SLC22A14: variants seen among roughly 807,000 people sequenced by gnomAD.
SLC22A14 encodes organic cation transporter-like 4.
A neutral mutation model predicts 53.9 loss-of-function variants in SLC22A14; 50 were observed. The observed-to-expected ratio is 0.93, with a 90% CI of 0.74 to 1.17. The LOEUF (loss-of-function observed/expected upper bound fraction) is 1.17. SLC22A14 is among the 50% of genes most tolerant of loss of function. The pLI is 0.00. For synonymous variants in SLC22A14, 312 were observed against 303.0 expected (o/e 1.03, Z -0.31); for missense variants, 671 against 734.7 (o/e 0.91, Z 1.00).
At chr3:38,290,262 C>T (rs1185954146) in intron 1 of SLC22A14, among the ~76,000 whole-genome samples, 2 of 152,054 alleles carry the variant, frequency 1.3e-5, no homozygotes, top group South Asian at 2.1e-4. Flanking sequence ...GGAATTGGGG[C>T]GTAGTAGGGG....
chr3:38,294,100 G>A (rs1227232215), intron 1 of SLC22A14, among the ~76,000 whole-genome samples: 1 of 151,962 alleles, frequency 6.6e-6, no homozygotes, highest in African/African-American at 2.4e-5. Flanking sequence ...ACTGCTTGGA[G>A]GGGGCATAAT....
intron 1 of SLC22A14, among the ~76,000 whole-genome samples, chr3:38,297,484 G>C (rs1704066831): frequency 6.6e-6 from 1 of 151,916 alleles, no homozygotes. Context: ...TTAAGTTCAG[G>C]GGTACATGTG....
chr3:38,315,450 T>A, intron 8 of SLC22A14, 108 bp from the exon 9 acceptor site: 1 of 1,167,104 alleles, frequency 8.6e-7, no homozygotes, highest in Non-Finnish European at 1.2e-6. Context: ...TCTGACAGAA[T>A]GCCTGAGCCT....
At chr3:38,293,357 G>T (rs867693030) in intron 1 of SLC22A14, among the ~76,000 whole-genome samples, 1 of 152,188 alleles carries the variant, frequency 6.6e-6, no homozygotes, top group Non-Finnish European at 1.5e-5. Flanking sequence ...CATGACTAAA[G>T]TGGTGGCCTT....
chr3:38,288,737 A>T (rs530672431), intron 1 of SLC22A14, among the ~76,000 whole-genome samples: 3 of 152,246 alleles, frequency 2.0e-5, no homozygotes, highest in Non-Finnish European at 4.4e-5. Flanking sequence ...TGAAATGATT[A>T]AAAAAATTAA....
intron 7 of SLC22A14, 42 bp from the exon 8 acceptor site, chr3:38,313,685 T>TGCGCGCGCGCGCGCGCGCGCGC (rs1553644857): frequency 2.5e-6 from 2 of 801,974 alleles, no homozygotes; most frequent in African/African-American, 3.3e-5. Flanking sequence ...TCCGTGTGTG[T>TGCGCGCGCGCGCGCGCGCGCGC]GCGCGCGTGT....
upstream of SLC22A14, among the ~76,000 whole-genome samples, chr3:38,279,827 G>A (rs1303699557): frequency 6.6e-6 from 1 of 152,092 alleles, no homozygotes; most frequent in African/African-American, 2.4e-5. Flanking sequence ...TTACGGCAAT[G>A]GTGACTATCA....
rs915649 is a variant in SLC22A14 at position 38,307,403 on chromosome 3, C to T, written c.620+46C>T. ...GCTGGTCCCCGAGCCATCCCAACTC[C>T]TCCTCATGGGCATTCAGGGTTGGAG... On this transcript the variant is annotated intron_variant, in intron 3 of 10. Coordinates refer to ENST00000448498, the MANE Select transcript of SLC22A14 (RefSeq NM_001320033.2). The surrounding 1 kb of genome is among the most constrained non-coding windows in gnomAD (Gnocchi z 4.4). 6.5e-7 allele frequency: 1 copy of T among 1,543,020 alleles called. No individual in the cohort carries two copies.
intron 9 of SLC22A14, 113 bp downstream of exon 9, chr3:38,315,824 A>C: frequency 8.9e-7 from 1 of 1,124,924 alleles, no homozygotes; most frequent in Non-Finnish European, 1.3e-6. Context: ...ACTGTGCTAA[A>C]CAGTTTACAT....
rs9856813 is a variant in SLC22A14, at chr3:38,283,306, C to T, written c.-1+967C>T. The stretch of plus-strand genomic sequence containing the variant: ...CTTGCCATGTAAGGAAACATATTTA[C>T]GAGTTCTGAGGATTAGGCATAGATC... On this transcript the variant is annotated intron_variant, in intron 1 of 10. Coordinates refer to ENST00000448498, the MANE Select transcript of SLC22A14 (RefSeq NM_001320033.2). Among the ~76,000 whole-genome samples the T allele has an allele frequency of 8.7e-3, 1,323 of 152,208 alleles. 14 individuals are homozygous for T. The highest frequency in any genetic ancestry group is 0.031 in the African/African-American group (1,272 of 41,536).
At chr3:38,297,555 A>C (rs1198682248) in intron 1 of SLC22A14, among the ~76,000 whole-genome samples, 1 of 152,158 alleles carries the variant, frequency 6.6e-6, no homozygotes, top group Non-Finnish European at 1.5e-5. Flanking sequence ...TGCATGGATC[A>C]ATCCATCACC....
At chr3:38,310,116 G>A (rs534205081) in intron 5 of SLC22A14, among the ~76,000 whole-genome samples, 1 of 152,336 alleles carries the variant, frequency 6.6e-6, no homozygotes, top group South Asian at 2.1e-4. Context: ...AGTGGCTCAT[G>A]CCTGTAATCC....
At position 38,314,615 on chromosome 3, in the gene SLC22A14, C is replaced by G. The variant is rs540384386; in HGVS notation, c.1378+674C>G. On this transcript the variant is annotated intron_variant, in intron 8 of 10. Transcript: ENST00000448498. ...ACTTAGAATGACTGCCTGCGGAGCC[C>G]TTTCACAGTCGCAGCAAGGGCAGGG... Among the ~76,000 whole-genome samples the G allele has an allele frequency of 2.0e-5, 3 of 152,352 alleles. No homozygotes were observed. The East Asian group carries it at 5.8e-4, about 29-fold the overall frequency.
In SLC22A14 at chr3:38,306,203, G is replaced by T; in HGVS notation, c.177G>T (p.Val59=). 2 of 1,614,136 alleles carry T rather than the reference G, an allele frequency of 1.2e-6. No individual in the cohort carries two copies. The highest frequency in any genetic ancestry group is 1.7e-6 in the Non-Finnish European group (2 of 1,180,014). Residue 59 remains valine (V), a synonymous_variant, in exon 2 of 11, where the codon GTG becomes GTT. Coordinates refer to ENST00000448498, the MANE Select transcript of SLC22A14 (RefSeq NM_001320033.2). ...AGTTTGCCAACCTCCTGGATGCGGT[G>T]GGGGAGTTTGGCACATTCCAGCAGA... ...DDKFANLLDA[V]GEFGTFQQRL...
Position 38,313,492 on chromosome 3 carries a change from A to C in SLC22A14, c.1163+7A>C. 2 of 1,592,918 alleles carry C rather than the reference A, an allele frequency of 1.3e-6. No individual in the cohort carries two copies. ...TGGTGATGAGCTGTGTGTGGTGAGT[A>C]TCCAGGGCTCGCTGGCAGGGACTGC... On this transcript the variant is annotated splice_region_variant and intron_variant, in intron 7 of 10. Transcript: ENST00000448498.
intron 1 of SLC22A14, among the ~76,000 whole-genome samples, chr3:38,299,724 G>A (rs1257553065): frequency 1.3e-5 from 2 of 152,022 alleles, no homozygotes; most frequent in African/African-American, 2.4e-5. Flanking sequence ...CACTACACCT[G>A]GTTAATTATT....
At chr3:38,295,247 G>T (rs1704003810) in intron 1 of SLC22A14, among the ~76,000 whole-genome samples, 2 of 152,218 alleles carry the variant, frequency 1.3e-5, no homozygotes, top group Admixed American at 1.3e-4. Context: ...ATCAGTGGTT[G>T]GTGTTAAATT....
At chr3:38,313,235 A>G in intron 6 of SLC22A14, 116 bp downstream of exon 6, 1 of 1,484,734 alleles carries the variant, frequency 6.7e-7, no homozygotes. Context: ...TCCACTGCTT[A>G]AGGACAATGG....
chr3:38,313,013 C>A lies in SLC22A14; in HGVS notation c.959C>A (p.Ser320Tyr). ...FISYIWILPE[S>Y]PRWLMMKGKV... Reference sequence around the variant, plus strand: ...TGGCCACGCAGGATTCTCCCGGAGTCCCCGCGGTGGCTGATGATGAAAGGG... The same window carrying A: ...TGGCCACGCAGGATTCTCCCGGAGTACCCGCGGTGGCTGATGATGAAAGGG... Residue 320 changes from serine (S) to tyrosine (Y), a missense_variant, in exon 6 of 11, where the codon TCC becomes TAC. Ser to Tyr is a moderately radical substitution (Grantham distance 144). Transcript: ENST00000448498. The A allele has an allele frequency of 6.3e-7, 1 of 1,582,364 alleles. No individual in the cohort carries two copies. Among genetic ancestry groups the A allele is most frequent in the African/African-American group, 1.3e-5 (1 of 74,840 alleles).
Sources: gnomAD v4.1 joint callset for allele counts (sites outside exome capture counted in the v4.1 genomes callset) on GRCh38, gnomAD v4.1.1 for gene constraint, Gnocchi (gnomAD v3.1) non-coding constraint, MANE v1.5 for transcripts, NCBI Gene and HGNC (gene_info 2026-07-23, HGNC 2026-07-21) for gene names.